ABCC8: variants seen among roughly 807,000 people sequenced by gnomAD.
The protein encoded by ABCC8 is ATP-binding cassette sub-family C member 8.
A neutral mutation model predicts 188.0 loss-of-function variants in ABCC8; 137 were observed. The observed-to-expected ratio is 0.73, with a 90% CI of 0.63 to 0.84. ABCC8 has a LOEUF of 0.84. ABCC8 is among the 40% of genes least tolerant of loss of function. The probability of loss-of-function intolerance (pLI) is 0.00; values close to 1 mark genes in which losing one functional copy is unlikely to be tolerated. For synonymous variants in ABCC8, 797 were observed against 846.5 expected, an observed-to-expected ratio of 0.94 and a Z score of 1.01; for missense variants, 1,750 against 2,072.7, an observed-to-expected ratio of 0.84 and a Z score of 3.02.
At chr11:17,436,217 T>C (rs539832452) in intron 10 of ABCC8, 2 of 638,956 alleles carry the variant, frequency 3.1e-6, no homozygotes, top group South Asian at 1.6e-5. Flanking sequence ...GACCAGCTAC[T>C]TGTGTTTTAA....
At chr11:17,421,341 G>A (rs1955333495) in intron 16 of ABCC8, among the ~76,000 whole-genome samples, 1 of 152,176 alleles carries the variant, frequency 6.6e-6, no homozygotes, top group African/African-American at 2.4e-5. Context: ...TGGAGAAGAG[G>A]GGTAGTGAAA....
At chr11:17,420,200 G>C (rs927910299) in intron 16 of ABCC8, among the ~76,000 whole-genome samples, 1 of 152,188 alleles carries the variant, frequency 6.6e-6, no homozygotes, top group Non-Finnish European at 1.5e-5. Flanking sequence ...CAGGCTTGTC[G>C]CTGTCCTGAA....
chr11:17,428,089 TG>T, intron 14 of ABCC8, 147 bp from the exon 15 acceptor site: 1 of 1,583,820 alleles, frequency 6.3e-7, no homozygotes, highest in South Asian at 1.1e-5. Context: ...AGTGGGAGAC[TG>T]GCCTTCTCAT....
rs1309514235 is a variant in ABCC8, at chr11:17,460,425, C to T, written c.1011+63G>A. Reference sequence around the variant, plus strand: ...ATGGCTCACACACATTGGCCTGTTGCACTCTCAGAAACAACTGAAAACCAT... The same window carrying T: ...ATGGCTCACACACATTGGCCTGTTGTACTCTCAGAAACAACTGAAAACCAT... On this transcript the variant is annotated intron_variant, in intron 6 of 38. Coordinates refer to ENST00000389817, the MANE Select transcript of ABCC8 (RefSeq NM_000352.6). 5 of 1,610,862 alleles carry T rather than the reference C, an allele frequency of 3.1e-6. No individual in the cohort carries two copies. The East Asian group carries it at 1.1e-4, about 36-fold the overall frequency.
chr11:17,435,970 T>C (rs1261858189), intron 10 of ABCC8: 3 of 1,580,528 alleles, frequency 1.9e-6, no homozygotes, highest in Non-Finnish European at 2.6e-6. Flanking sequence ...AGTGCCACGG[T>C]GGCAGATGGA....
chr11:17,460,644 C>T lies in ABCC8; in HGVS notation c.855G>A (p.Arg285=). The T allele has an allele frequency of 6.2e-7, 1 of 1,611,436 alleles. No individual in the cohort carries two copies. Among genetic ancestry groups the T allele is most frequent in the South Asian group, 1.1e-5 (1 of 91,060 alleles). Residue 285 remains arginine (R), a synonymous_variant, in exon 6 of 39, where the codon CGG becomes CGA. Transcript: ENST00000389817. The part of the protein sequence containing the change: ...RKDIQGTQGA[R]AIWQALSHAF... ...CATGGCTGAGTGCCTGCCAGATGGC[C>T]CGGGCACCTTGAGTGCCCTGAATGT...
At chr11:17,408,544 TG>T (rs746261109) in intron 22 of ABCC8, 27 bp from the exon 23 acceptor site, 1 of 1,601,618 alleles carries the variant, frequency 6.2e-7, no homozygotes, top group Non-Finnish European at 8.5e-7. Context: ...AAACGTGGTT[TG>T]GGGGCTGGCT....
At chr11:17,410,335 C>T (rs1043472350) in intron 22 of ABCC8, 181 bp downstream of exon 22, 4 of 688,238 alleles carry the variant, frequency 5.8e-6, no homozygotes, top group African/African-American at 1.8e-5. Context: ...TGATACCAAA[C>T]CCCTGGCCTG....
intron 2 of ABCC8, among the ~76,000 whole-genome samples, chr11:17,472,219 A>T: frequency 6.6e-6 from 1 of 152,244 alleles, no homozygotes; most frequent in East Asian, 1.9e-4. Context: ...AATAGTTTTT[A>T]GCTGCTTTGT....
chr11:17,399,265 G>A (rs1954101902), intron 29 of ABCC8, among the ~76,000 whole-genome samples: 1 of 103,976 alleles, frequency 9.6e-6, no homozygotes. Flanking sequence ...GACAAAGTGA[G>A]ACTCTGCCTC....
intron 4 of ABCC8, 83 bp from the exon 5 acceptor site, chr11:17,461,908 G>A: frequency 6.3e-7 from 1 of 1,593,276 alleles, no homozygotes; most frequent in South Asian, 1.1e-5. Flanking sequence ...ATCTGGGGTT[G>A]TGATATTCCA....
At position 17,461,578 on chromosome 11, in the gene ABCC8, C is replaced by T. The variant is rs1957189548; in HGVS notation, c.822+5G>A. 5 of 1,614,240 alleles carry T rather than the reference C, an allele frequency of 3.1e-6. No individual in the cohort carries two copies. The highest frequency in any genetic ancestry group is 4.2e-6 in the Non-Finnish European group (5 of 1,180,036). ...AATAGATGGTGTGGCTGTGCCCCCA[C>T]TGACCACCTGGGCGTCAAAGGCCTC... is the stretch of plus-strand genomic sequence containing the variant. On this transcript the variant is annotated splice_donor_5th_base_variant and intron_variant, in intron 5 of 38. Coordinates refer to ENST00000389817, the MANE Select transcript of ABCC8 (RefSeq NM_000352.6).
At chr11:17,431,612 G>C (rs1421939132) in intron 11 of ABCC8, among the ~76,000 whole-genome samples, 2 of 152,220 alleles carry the variant, frequency 1.3e-5, no homozygotes, top group African/African-American at 4.8e-5. Flanking sequence ...CCTTTCTGTA[G>C]GAGCATGCTG....
At chr11:17,394,599 A>C (rs1160793849) in intron 36 of ABCC8, 200 bp from the exon 37 acceptor site, 1 of 579,530 alleles carries the variant, frequency 1.7e-6, no homozygotes, top group African/African-American at 2.0e-5. Flanking sequence ...CTGCAACGAG[A>C]AGGGCACCCC....
chr11:17,471,401 T>A (rs1320470439), intron 2 of ABCC8, among the ~76,000 whole-genome samples: 1 of 152,216 alleles, frequency 6.6e-6, no homozygotes, highest in Non-Finnish European at 1.5e-5. Flanking sequence ...AGGAGAGCTA[T>A]CCTGTGACCT....
intron 6 of ABCC8, 63 bp from the exon 7 acceptor site, chr11:17,453,346 A>C: frequency 6.2e-7 from 1 of 1,601,358 alleles, no homozygotes; most frequent in Non-Finnish European, 8.5e-7. Flanking sequence ...CGTAGAACAC[A>C]TCACTGTGCC....
chr11:17,466,222 A>C (rs1848136551), intron 3 of ABCC8, among the ~76,000 whole-genome samples: 1 of 152,040 alleles, frequency 6.6e-6, no homozygotes, highest in Non-Finnish European at 1.5e-5. Flanking sequence ...AATATGGTGA[A>C]ACCCCGTCTC....
Position 17,412,532 on chromosome 11 carries a change from A to G in ABCC8, c.2556+134T>C, listed in dbSNP as rs1954862634. On this transcript the variant is annotated intron_variant, in intron 21 of 38. Coordinates refer to ENST00000389817, the MANE Select transcript of ABCC8 (RefSeq NM_000352.6). ...TCCCTATCACTAGGATGATAAGGCA[A>G]TATCTCTGGCAGGAGGGATTTACTC... The G allele has an allele frequency of 3.1e-6, 4 of 1,288,728 alleles. No individual in the cohort carries two copies. The African/African-American group carries it at 4.4e-5, about 14-fold the overall frequency. 79.8% of individuals were successfully genotyped at this position (1,288,728 alleles called of 1,614,324 possible).
intron 21 of ABCC8, 21 bp downstream of exon 21, chr11:17,412,645 C>G (rs747215266): frequency 1.2e-6 from 2 of 1,605,422 alleles, no homozygotes; most frequent in Non-Finnish European, 1.7e-6. Context: ...AGACCAGGAC[C>G]CCAAGGGAAC....
Sources: gnomAD v4.1 joint callset for allele counts (sites outside exome capture counted in the v4.1 genomes callset) on GRCh38, gnomAD v4.1.1 for gene constraint, MANE v1.5 for transcripts, NCBI Gene and HGNC (gene_info 2026-07-23, HGNC 2026-07-21) for gene names.